Variants in FOXP2 observed in about 807,000 individuals in gnomAD.
The protein encoded by FOXP2 is forkhead box P2, also known as forkhead box protein P2.
A neutral mutation model predicts 115.8 loss-of-function variants in FOXP2; 12 were observed. The ratio of observed to expected loss-of-function variants is 0.10; its 90% CI spans 0.07 to 0.17. The LOEUF (loss-of-function observed/expected upper bound fraction) is 0.17. Among genes scored for constraint, FOXP2 ranks in the 10% least tolerant of loss-of-function variants. The probability of loss-of-function intolerance (pLI) is 1.00; values close to 1 mark genes in which losing one functional copy is unlikely to be tolerated. For synonymous variants in FOXP2, 328 were observed against 297.7 expected (o/e 1.10, Z -1.05); for missense variants, 629 against 843.5 (o/e 0.75, Z 3.15).
intron 2 of FOXP2, among the ~76,000 whole-genome samples, chr7:114,469,468 G>T (rs534671631): frequency 1.0e-3 from 152 of 152,310 alleles, no homozygotes; most frequent in African/African-American, 3.4e-3. Flanking sequence ...CATTTTCACA[G>T]TGGTAAGTTT....
Position 114,472,232 on chromosome 7 carries a change from CAA to C in FOXP2, c.168+45554_168+45555del, listed in dbSNP as rs538567450. 5.9e-5 allele frequency among the ~76,000 whole-genome samples: 9 copies of C among 152,016 alleles called. No homozygotes were observed. In the South Asian group the frequency reaches 1.7e-3, roughly 28 times the overall value. ...TTAAAGTTAAAAAAAAAGAACTTGACAAGAGAATTCTTAGCATATTCAGTAAC... is the reference window on the plus strand; with the variant it reads ...TTAAAGTTAAAAAAAAAGAACTTGACGAGAATTCTTAGCATATTCAGTAAC... On this transcript the variant is annotated intron_variant, in intron 2 of 16. Coordinates refer to ENST00000350908, the MANE Select transcript of FOXP2 (RefSeq NM_014491.4).
chr7:114,368,134 T>C (rs2129188768), intron 2 of FOXP2, among the ~76,000 whole-genome samples: 1 of 152,304 alleles, frequency 6.6e-6, no homozygotes, highest in African/African-American at 2.4e-5. Context: ...GTTGCAATGG[T>C]ACCCTCACTA....
At chr7:114,508,791 A>G (rs1797940664) in intron 2 of FOXP2, among the ~76,000 whole-genome samples, 2 of 152,070 alleles carry the variant, frequency 1.3e-5, no homozygotes, top group Non-Finnish European at 2.9e-5. Context: ...GGTTACTCTG[A>G]TAAGCCAACA....
intron 16 of FOXP2, among the ~76,000 whole-genome samples, chr7:114,680,696 G>A (rs2129350047): frequency 6.6e-6 from 1 of 150,586 alleles, no homozygotes; most frequent in Admixed American, 6.6e-5. Flanking sequence ...AGTGAGCCGA[G>A]ATCGTGCCAC....
At chr7:114,637,114 G>A (rs1805265075) in intron 6 of FOXP2, among the ~76,000 whole-genome samples, 1 of 152,114 alleles carries the variant, frequency 6.6e-6, no homozygotes, top group South Asian at 2.1e-4. Context: ...GCCCAGGTCA[G>A]GGCTATAGTG....
At chr7:114,253,394 T>C (rs1169636437) in intron 1 of FOXP2, among the ~76,000 whole-genome samples, 1 of 152,168 alleles carries the variant, frequency 6.6e-6, no homozygotes, top group Non-Finnish European at 1.5e-5. Context: ...CAGTGGGGCG[T>C]TAAAGTCTCC....
In FOXP2 at chr7:114,597,103, A is replaced by T. The variant is rs1015110163; in HGVS notation, c.259-31437A>T. 5.3e-5 allele frequency among the ~76,000 whole-genome samples: 8 copies of T among 152,124 alleles called. No homozygotes were observed. The East Asian group carries it at 1.5e-3, about 29-fold the overall frequency. On this transcript the variant is annotated intron_variant, in intron 3 of 16. Coordinates refer to ENST00000350908, the MANE Select transcript of FOXP2 (RefSeq NM_014491.4). Reference sequence around the variant, plus strand: ...ATGCTCATTTTTTATGATGTAAATCATGTATTTTAAATCATTGCTGCAAAC... The same window carrying T: ...ATGCTCATTTTTTATGATGTAAATCTTGTATTTTAAATCATTGCTGCAAAC...
At chr7:114,456,791 A>T (rs10231382) in intron 2 of FOXP2, among the ~76,000 whole-genome samples, 66,486 of 152,000 alleles carry the variant, frequency 0.44, 14,762 homozygotes, top group Admixed American at 0.5. Context: ...CCAGCAATGA[A>T]TGGATAAAGA....
intron 1 of FOXP2, among the ~76,000 whole-genome samples, chr7:114,252,082 C>T (rs1393169065): frequency 1.3e-5 from 2 of 152,128 alleles, no homozygotes. Context: ...TGTTTATATA[C>T]TGGATTACGT....
At chr7:114,135,355 A>G (rs1221351964) in intron 1 of FOXP2, among the ~76,000 whole-genome samples, 5 of 152,128 alleles carry the variant, frequency 3.3e-5, no homozygotes, top group Non-Finnish European at 7.4e-5. Flanking sequence ...TTTTTTAAAA[A>G]GGCAAAGAAA....
chr7:114,524,951 C>T (rs901365406), intron 2 of FOXP2, among the ~76,000 whole-genome samples: 2 of 152,020 alleles, frequency 1.3e-5, no homozygotes, highest in Non-Finnish European at 2.9e-5. Context: ...AATTATATAT[C>T]CCTTCCCTTA....
intron 1 of FOXP2, among the ~76,000 whole-genome samples, chr7:114,188,977 A>G (rs1793686791): frequency 6.6e-6 from 1 of 152,212 alleles, no homozygotes; most frequent in Non-Finnish European, 1.5e-5. Flanking sequence ...TTTCAGAGTA[A>G]TTCATGAGCT....
chr7:114,188,599 G>A (rs143433163), intron 1 of FOXP2, among the ~76,000 whole-genome samples: 19 of 151,922 alleles, frequency 1.3e-4, no homozygotes, highest in Middle Eastern at 3.4e-3. Flanking sequence ...AAATCAATTC[G>A]CTTGTTTTGA....
chr7:114,390,522 G>GTATGTATGTATGTATTTATTTATTTATT (rs1554382697), intron 2 of FOXP2, among the ~76,000 whole-genome samples: 2 of 148,264 alleles, frequency 1.3e-5, no homozygotes, highest in African/African-American at 5.0e-5. Context: ...TTTTATTTAT[G>GTATGTATGTATGTATTTATTTATTTATT]TATTTATTTA....
chr7:114,379,814 T>G (rs1792237431), intron 2 of FOXP2, among the ~76,000 whole-genome samples: 1 of 152,182 alleles, frequency 6.6e-6, no homozygotes. Context: ...TAAATAATAA[T>G]TTGGCCATCT....
At chr7:114,609,340 A>G (rs1803507544) in intron 3 of FOXP2, among the ~76,000 whole-genome samples, 1 of 152,172 alleles carries the variant, frequency 6.6e-6, no homozygotes, top group Non-Finnish European at 1.5e-5. Context: ...GAGCAATGGG[A>G]AAAATAATGA....
At chr7:114,487,082 C>G (rs1796821345) in intron 2 of FOXP2, among the ~76,000 whole-genome samples, 1 of 152,202 alleles carries the variant, frequency 6.6e-6, no homozygotes, top group Non-Finnish European at 1.5e-5. Context: ...TTTTGCACTG[C>G]CCTAGCAGAG....
intron 1 of FOXP2, among the ~76,000 whole-genome samples, chr7:114,197,868 A>ATT (rs767425079): frequency 1.4e-5 from 2 of 141,354 alleles, no homozygotes. Context: ...TTAATTTTTG[A>ATT]TTTTTTTTTT....
intron 2 of FOXP2, among the ~76,000 whole-genome samples, chr7:114,452,976 A>G (rs997172329): frequency 6.6e-6 from 1 of 152,112 alleles, no homozygotes; most frequent in Non-Finnish European, 1.5e-5. Context: ...TTTAATAACA[A>G]ATCACTTTAA....
Sources: gnomAD v4.1 joint callset for allele counts (sites outside exome capture counted in the v4.1 genomes callset) on GRCh38, gnomAD v4.1.1 for gene constraint, MANE v1.5 for transcripts, NCBI Gene and HGNC (gene_info 2026-07-23, HGNC 2026-07-21) for gene names.